Variants in GALNS observed in about 807,000 individuals in gnomAD.
GALNS encodes the protein galactosamine (N-acetyl)-6-sulfatase.
Under a neutral mutation model 65.9 loss-of-function variants are expected in GALNS, and 65 were observed. That is an observed-to-expected ratio of 0.99 (90% CI 0.81 to 1.21). The LOEUF is 1.21. Among genes scored for constraint, GALNS ranks in the 50% most tolerant of loss-of-function variants. The probability of loss-of-function intolerance (pLI) is 0.00; values close to 1 mark genes in which losing one functional copy is unlikely to be tolerated. For missense variants in GALNS, 776 were observed against 700.7 expected (o/e 1.11, Z -1.21); for synonymous variants, 346 against 288.9 (o/e 1.20, Z -2.00).
chr16:88,849,054 A>C (rs1049111315), intron 1 of GALNS, among the ~76,000 whole-genome samples: 4 of 152,094 alleles, frequency 2.6e-5, no homozygotes, highest in African/African-American at 9.7e-5. Context: ...TTCCTCTCAA[A>C]GGCCCTCCAT....
At chr16:88,855,857 CAG>C (rs1478092169) in intron 1 of GALNS, 3 of 504,810 alleles carry the variant, frequency 5.9e-6, no homozygotes, top group East Asian at 3.5e-5. Flanking sequence ...AGCCAGCACA[CAG>C]GGGCTGAGCG....
At chr16:88,817,064 G>C (rs1176499711) in intron 13 of GALNS, 1 of 985,340 alleles carries the variant, frequency 1.0e-6, no homozygotes. Context: ...TGTCCCATCT[G>C]AAGGAGCTGT....
intron 13 of GALNS, chr16:88,816,739 G>A (rs141286698): frequency 5.0e-5 from 49 of 985,432 alleles, no homozygotes; most frequent in Middle Eastern, 1.0e-3. Context: ...ACGGCACGGC[G>A]GGCACCCAGC....
intron 8 of GALNS, among the ~76,000 whole-genome samples, chr16:88,834,095 G>C (rs1567528942): frequency 6.6e-6 from 1 of 152,290 alleles, no homozygotes; most frequent in East Asian, 1.9e-4. Context: ...TCGACTCGTG[G>C]GTCTGACTCC....
chr16:88,821,669 G>A (rs1016553515), intron 12 of GALNS, among the ~76,000 whole-genome samples: 2 of 152,186 alleles, frequency 1.3e-5, no homozygotes, highest in Non-Finnish European at 2.9e-5. Flanking sequence ...GCACCTTGGC[G>A]GTGGTGCTGC....
chr16:88,833,468 T>C (rs1284630639), intron 8 of GALNS, among the ~76,000 whole-genome samples: 4 of 151,450 alleles, frequency 2.6e-5, no homozygotes, highest in African/African-American at 4.9e-5. Context: ...TTTTTTTTTT[T>C]TGACATGGAG....
At chr16:88,837,410 G>A (rs1313630391) in intron 5 of GALNS, among the ~76,000 whole-genome samples, 2 of 152,200 alleles carry the variant, frequency 1.3e-5, no homozygotes, top group African/African-American at 4.8e-5. Flanking sequence ...ACCCTGAAAA[G>A]GTGGGAAACC....
intron 2 of GALNS, 103 bp from the exon 3 acceptor site, chr16:88,842,074 G>C (rs1967002005): frequency 2.0e-6 from 2 of 1,014,810 alleles, no homozygotes; most frequent in Admixed American, 2.0e-5. Context: ...TGACAGACGA[G>C]GCACGCGCAG....
chr16:88,856,939 C>T lies in GALNS; in HGVS notation c.-62G>A, dbSNP rs1014636026. On this transcript the variant is annotated 5_prime_UTR_variant, in exon 1 of 14. Coordinates refer to ENST00000268695, the MANE Select transcript of GALNS (RefSeq NM_000512.5). The stretch of plus-strand genomic sequence containing the variant: ...CCGACCTAGCGAGCGTCCGCCGGCC[C>T]TTCCGGCTGGGCTGCGGGGCGGGGC... 4 of 1,463,138 alleles carry T rather than the reference C, an allele frequency of 2.7e-6. No homozygotes were observed. The highest frequency in any genetic ancestry group is 2.6e-5 in the Admixed American group (1 of 39,098). The allele number at this position is 1,463,138 out of a possible 1,614,324, so 90.6% of individuals were successfully genotyped here.
intron 9 of GALNS, 144 bp downstream of exon 9, chr16:88,831,854 G>T: frequency 1.4e-6 from 1 of 717,736 alleles, no homozygotes; most frequent in South Asian, 1.5e-5. Context: ...GGTGCGTGGA[G>T]GCTGAGCACA....
At chr16:88,851,189 G>A (rs1218270957) in intron 1 of GALNS, among the ~76,000 whole-genome samples, 3 of 152,102 alleles carry the variant, frequency 2.0e-5, no homozygotes, top group Admixed American at 6.6e-5. Context: ...AGGGCACCAC[G>A]GGCAGGAACC....
intron 8 of GALNS, among the ~76,000 whole-genome samples, chr16:88,832,419 T>C (rs1484915168): frequency 6.6e-6 from 1 of 152,216 alleles, no homozygotes; most frequent in Non-Finnish European, 1.5e-5. Flanking sequence ...AGCTGCCGAC[T>C]GGTGCTTCCC....
At chr16:88,838,160 AGT>A (rs1234587110) in intron 4 of GALNS, among the ~76,000 whole-genome samples, 1 of 152,104 alleles carries the variant, frequency 6.6e-6, no homozygotes, top group Non-Finnish European at 1.5e-5. Context: ...CTCGAACCCA[AGT>A]GTGTCTCCTC....
At chr16:88,821,368 G>A (rs1910200596) in intron 12 of GALNS, among the ~76,000 whole-genome samples, 1 of 152,158 alleles carries the variant, frequency 6.6e-6, no homozygotes, top group African/African-American at 2.4e-5. Context: ...TTTGGCCTTG[G>A]ACCCAGCGCC....
intron 13 of GALNS, chr16:88,816,587 C>A: frequency 1.0e-6 from 1 of 983,508 alleles, no homozygotes; most frequent in Non-Finnish European, 1.2e-6. Flanking sequence ...GCAGGGTGGA[C>A]TGTCCCTGGG....
chr16:88,850,478 T>C (rs1238500100), intron 1 of GALNS, among the ~76,000 whole-genome samples: 2 of 151,974 alleles, frequency 1.3e-5, no homozygotes, highest in Non-Finnish European at 2.9e-5. Flanking sequence ...TCCACGCTCA[T>C]CACTCACCAG....
In GALNS at chr16:88,818,196, G is replaced by C. The variant is rs575557300; in HGVS notation, c.1365-72C>G. Reference sequence around the variant, plus strand: ...GACGGAGAGGGGCTGGCCTGGACAGGCTGAGGCTGCAGAGCTCTAACGGGC... The same window carrying C: ...GACGGAGAGGGGCTGGCCTGGACAGCCTGAGGCTGCAGAGCTCTAACGGGC... On this transcript the variant is annotated intron_variant, in intron 12 of 13. Transcript: ENST00000268695. The C allele has an allele frequency of 9.8e-6, 12 of 1,219,102 alleles. No individual in the cohort carries two copies. In the East Asian group the frequency reaches 2.9e-4, roughly 30 times the overall value. The allele number at this position is 1,219,102 out of a possible 1,614,324, so 75.5% of individuals were successfully genotyped here. A position where few individuals can be genotyped will look rare whatever the true frequency, so the allele number is the denominator to read the frequency against.
chr16:88,836,191 T>TC lies in GALNS; in HGVS notation c.633+9dup. ...GTCCCACAGGGCGAGGATGGTGCGG[T>TC]CCCCATCACCTGCAGGTAGATCTGG... On this transcript the variant is annotated intron_variant, in intron 6 of 13. Transcript: ENST00000268695. 1.2e-6 allele frequency: 2 copies of TC among 1,612,232 alleles called. No individual in the cohort carries two copies. The highest frequency in any genetic ancestry group is 1.7e-6 in the Non-Finnish European group (2 of 1,178,740).
intron 1 of GALNS, chr16:88,855,931 G>A (rs191536267): frequency 1.9e-4 from 106 of 556,176 alleles, no homozygotes; most frequent in African/African-American, 1.7e-3. Context: ...CACAACGTGA[G>A]CACGGCGGGA....
Sources: gnomAD v4.1 joint callset for allele counts (sites outside exome capture counted in the v4.1 genomes callset) on GRCh38, gnomAD v4.1.1 for gene constraint, MANE v1.5 for transcripts, NCBI Gene and HGNC (gene_info 2026-07-23, HGNC 2026-07-21) for gene names.